SKAP1: variants seen among roughly 807,000 people sequenced by gnomAD.
SKAP1 encodes the protein src kinase associated phosphoprotein 1.
Under a neutral mutation model 58.5 loss-of-function variants are expected in SKAP1, and 44 were observed. The ratio of observed to expected loss-of-function variants is 0.75; its 90% CI spans 0.59 to 0.97. The LOEUF is 0.97. Among genes scored for constraint, SKAP1 ranks in the 50% least tolerant of loss-of-function variants. The pLI is 0.00. For missense variants in SKAP1, 390 were observed against 435.2 expected (o/e 0.90, Z 0.92); for synonymous variants, 127 against 149.7 (o/e 0.85, Z 1.11).
intron 4 of SKAP1, among the ~76,000 whole-genome samples, chr17:48,249,675 A>AG (rs1314191002): frequency 6.6e-6 from 1 of 152,114 alleles, no homozygotes; most frequent in East Asian, 1.9e-4. Flanking sequence ...TAAAAAAAAA[A>AG]CAAAACCCGG....
chr17:48,179,009 C>A (rs2064331662), intron 9 of SKAP1, among the ~76,000 whole-genome samples: 1 of 151,878 alleles, frequency 6.6e-6, no homozygotes, highest in Admixed American at 6.6e-5. Flanking sequence ...GAGATGAATG[C>A]AGTGTGGAGA....
At chr17:48,336,496 G>C (rs1214890337) in intron 4 of SKAP1, among the ~76,000 whole-genome samples, 1 of 152,154 alleles carries the variant, frequency 6.6e-6, no homozygotes, top group African/African-American at 2.4e-5. Context: ...TAAATGTTCA[G>C]TCTTTAATAC....
chr17:48,379,679 C>CTTT (rs1349359136), intron 2 of SKAP1, among the ~76,000 whole-genome samples: 1 of 128,620 alleles, frequency 7.8e-6, no homozygotes, highest in African/African-American at 3.3e-5. Context: ...AAAGTATCTT[C>CTTT]TTCTTTTTTT....
intron 1 of SKAP1, among the ~76,000 whole-genome samples, chr17:48,411,362 G>A (rs2067662975): frequency 6.6e-6 from 1 of 151,802 alleles, no homozygotes; most frequent in Non-Finnish European, 1.5e-5. Context: ...TCACGCCACT[G>A]CACACCAGCC....
intron 1 of SKAP1, among the ~76,000 whole-genome samples, chr17:48,410,230 A>G (rs140277757): frequency 1.1e-3 from 163 of 152,324 alleles, no homozygotes; most frequent in African/African-American, 3.8e-3. Context: ...TAGCAAGAAT[A>G]GCAAGGCGAA....
intron 4 of SKAP1, among the ~76,000 whole-genome samples, chr17:48,264,745 A>AACACACACAGACAC (rs2065522634): frequency 7.0e-6 from 1 of 142,752 alleles, no homozygotes; most frequent in African/African-American, 2.6e-5. Flanking sequence ...AAATCTACAA[A>AACACACACAGACAC]ACACACACAC....
chr17:48,388,096 T>C (rs1205215563), intron 2 of SKAP1, among the ~76,000 whole-genome samples: 1 of 152,202 alleles, frequency 6.6e-6, no homozygotes, highest in Non-Finnish European at 1.5e-5. Flanking sequence ...ATAAAATCCA[T>C]GGTTCCTGAA....
intron 4 of SKAP1, among the ~76,000 whole-genome samples, chr17:48,299,684 A>T (rs2066033038): frequency 6.6e-6 from 1 of 152,184 alleles, no homozygotes; most frequent in Non-Finnish European, 1.5e-5. Context: ...AATCCTTTGG[A>T]GATGCCAGTG....
intron 3 of SKAP1, among the ~76,000 whole-genome samples, chr17:48,357,386 T>G (rs2066888239): frequency 6.6e-6 from 1 of 152,136 alleles, no homozygotes; most frequent in East Asian, 1.9e-4. Flanking sequence ...ATCCCAGCAC[T>G]TTGGGAGGCT....
intron 4 of SKAP1, among the ~76,000 whole-genome samples, chr17:48,278,902 C>T (rs1041629227): frequency 4.6e-5 from 7 of 152,164 alleles, no homozygotes; most frequent in African/African-American, 1.7e-4. Context: ...CCCTCTTACA[C>T]ACCAGGAAAC....
intron 4 of SKAP1, among the ~76,000 whole-genome samples, chr17:48,205,057 CTTCTT>C (rs2064791881): frequency 1.1e-5 from 1 of 91,654 alleles, no homozygotes; most frequent in African/African-American, 3.5e-5. Context: ...CTCTTTCTTT[CTTCTT>C]TCTCTCTCTC....
rs1809215546 is a variant in SKAP1 at position 48,170,613 on chromosome 17, T to C, written c.873A>G (p.Lys291=). ...LEEDESGTRR[K]GVDYASYYQG... The stretch of plus-strand genomic sequence containing the variant: ...TGCATTTAGAAGCTCTTATACCTCC[T>C]TTTCGTCGAGTGCCACTCTCATCCT... The change falls in exon 10 of 13, where the codon AAA becomes AAG. Residue 291 remains lysine, a synonymous_variant. Coordinates refer to ENST00000336915, the MANE Select transcript of SKAP1 (RefSeq NM_003726.4). 3 of 1,613,532 alleles carry C rather than the reference T, an allele frequency of 1.9e-6. No homozygotes were observed. In the Admixed American group the frequency reaches 5.0e-5, roughly 27 times the overall value.
intron 1 of SKAP1, among the ~76,000 whole-genome samples, chr17:48,427,711 G>C (rs928106952): frequency 2.0e-5 from 3 of 148,184 alleles, no homozygotes; most frequent in Non-Finnish European, 4.5e-5. Flanking sequence ...AGTTATGGCT[G>C]TGATGTCCAG....
intron 6 of SKAP1, among the ~76,000 whole-genome samples, chr17:48,187,133 T>C (rs1219206322): frequency 1.3e-5 from 2 of 152,274 alleles, no homozygotes; most frequent in Non-Finnish European, 2.9e-5. Flanking sequence ...TCTTTATTTG[T>C]AATTGCCTCC....
intron 11 of SKAP1, among the ~76,000 whole-genome samples, chr17:48,155,834 C>G (rs899900133): frequency 2.6e-5 from 4 of 152,146 alleles, no homozygotes; most frequent in African/African-American, 9.7e-5. Context: ...TCCAGGGCAA[C>G]AGAGAGAGAC....
chr17:48,300,836 T>TAC (rs2066047113), intron 4 of SKAP1, among the ~76,000 whole-genome samples: 1 of 152,208 alleles, frequency 6.6e-6, no homozygotes, highest in Non-Finnish European at 1.5e-5. Flanking sequence ...TCCATGGCTT[T>TAC]TTACTCTTAG....
chr17:48,195,861 C>T (rs1022243364), intron 4 of SKAP1, among the ~76,000 whole-genome samples: 4 of 151,900 alleles, frequency 2.6e-5, no homozygotes, highest in African/African-American at 7.3e-5. Flanking sequence ...TTATAGTGAA[C>T]CCAGGTTACA....
At chr17:48,226,944 C>T (rs919047538) in intron 4 of SKAP1, among the ~76,000 whole-genome samples, 12 of 152,220 alleles carry the variant, frequency 7.9e-5, no homozygotes, top group African/African-American at 2.9e-4. Context: ...TAACTCCATA[C>T]CTTCCAGTTT....
At chr17:48,193,810 T>G (rs11872095) in intron 4 of SKAP1, 486,207 of 802,764 alleles carry the variant, frequency 0.61, 149,044 homozygotes, top group East Asian at 0.77. Context: ...AACTACTTAA[T>G]GCATAATAGA....
Sources: allele counts gnomAD v4.1 joint callset (sites outside exome capture counted in the v4.1 genomes callset), GRCh38; gene constraint gnomAD v4.1.1; transcripts MANE v1.5; gene names NCBI Gene and HGNC (gene_info 2026-07-23, HGNC 2026-07-21).